Variants in SLC39A12 observed in about 807,000 individuals in gnomAD.
SLC39A12 encodes the protein zinc transporter ZIP12.
A neutral mutation model predicts 71.1 loss-of-function variants in SLC39A12; 63 were observed. The ratio of observed to expected loss-of-function variants is 0.89; its 90% CI spans 0.72 to 1.09. The LOEUF is 1.09. SLC39A12 is among the 50% of genes least tolerant of loss of function. The probability of loss-of-function intolerance (pLI) is 0.00; values close to 1 mark genes in which losing one functional copy is unlikely to be tolerated. For synonymous variants in SLC39A12, 351 were observed against 301.3 expected (o/e 1.16, Z -1.71); for missense variants, 892 against 812.6 (o/e 1.10, Z -1.19).
chr10:18,034,580 A>G (rs1433285571), intron 12 of SLC39A12, among the ~76,000 whole-genome samples: 2 of 151,056 alleles, frequency 1.3e-5, no homozygotes, highest in East Asian at 3.9e-4. Flanking sequence ...CAGCACACTG[A>G]TGGGTCTTGA....
chr10:17,977,936 A>C lies in SLC39A12; in HGVS notation c.786A>C (p.Arg262Ser), dbSNP rs1451513526. 21 of 1,610,588 alleles carry C rather than the reference A, an allele frequency of 1.3e-5. No individual in the cohort carries two copies. The highest frequency in any genetic ancestry group is 3.4e-5 in the Admixed American group (2 of 59,212). The change falls in exon 5 of 13, where the codon AGA becomes AGC. Residue 262 changes from arginine to serine, a missense_variant. Coordinates refer to ENST00000377369, the MANE Select transcript of SLC39A12 (RefSeq NM_001145195.2). ...AACTCCTCAACACTCTCTGGACCAG[A>C]AGTACTTGTATCAAAAATGAGAAAA... The part of the protein sequence containing the change: ...LDQLLNTLWT[R>S]STCIKNEKIH...
rs1475032426 is a variant in SLC39A12 at position 18,031,407 on chromosome 10, AGCATTTTTTCATGTGTT to A, written c.1948-11297_1948-11281del. On this transcript the variant is annotated intron_variant, in intron 12 of 12. Coordinates refer to ENST00000377369, the MANE Select transcript of SLC39A12 (RefSeq NM_001145195.2). ...ATTTCTCTGATGGCCAGTGATGATGAGCATTTTTTCATGTGTTTTTTGGCTGCATAAATGTCTTCTTT... is the reference window on the plus strand; with the variant it reads ...ATTTCTCTGATGGCCAGTGATGATGATTTTGGCTGCATAAATGTCTTCTTT... 5.1e-5 allele frequency among the ~76,000 whole-genome samples: 7 copies of A among 137,090 alleles called. No individual in the cohort carries two copies. In the East Asian group the frequency reaches 1.5e-3, roughly 29 times the overall value. The allele number at this position is 137,090 out of a possible 152,430, so 89.9% of individuals were successfully genotyped here.
intron 12 of SLC39A12, among the ~76,000 whole-genome samples, chr10:18,035,603 A>G (rs574582868): frequency 1.3e-5 from 2 of 152,068 alleles, no homozygotes; most frequent in Admixed American, 6.6e-5. Context: ...ATGTCCTCCC[A>G]TAGCTCAGAG....
chr10:17,952,159 A>C (rs781844615), intron 1 of SLC39A12, 134 bp downstream of exon 1: 6 of 152,196 alleles, frequency 3.9e-5, no homozygotes, highest in Non-Finnish European at 7.3e-5. Context: ...GCCCACAGTC[A>C]TTTACCAGCT....
chr10:18,033,424 T>A (rs1435555599), intron 12 of SLC39A12, among the ~76,000 whole-genome samples: 1 of 151,516 alleles, frequency 6.6e-6, no homozygotes, highest in Non-Finnish European at 1.5e-5. Flanking sequence ...CTAGATTTTC[T>A]AGTTTATTTG....
At chr10:18,036,509 A>G (rs533489053) in intron 12 of SLC39A12, among the ~76,000 whole-genome samples, 33 of 151,586 alleles carry the variant, frequency 2.2e-4, no homozygotes, top group East Asian at 9.9e-4. Flanking sequence ...GCTTCGGCTC[A>G]CGCACGGTGC....
chr10:18,028,206 C>G (rs570387144), intron 12 of SLC39A12, among the ~76,000 whole-genome samples: 2 of 152,144 alleles, frequency 1.3e-5, no homozygotes. Context: ...AAAGTACAAC[C>G]TTACCTTCAT....
rs145198122 is a variant in SLC39A12, at chr10:17,987,547, C to G, written c.1165C>G (p.Leu389Val). Residue 389 changes from leucine to valine, a missense_variant, in exon 7 of 13, where the codon CTT becomes GTT. Transcript: ENST00000377369. ...LGSMLGTALV[L>V]FHSCEENYRL... The stretch of plus-strand genomic sequence containing the variant: ...CTCCATGCTGGGGACAGCGCTGGTC[C>G]TTTTCCATAGCTGTGAGGAGAACTA... The G allele has an allele frequency of 1.9e-6, 3 of 1,613,970 alleles. No individual in the cohort carries two copies. In the African/African-American group the frequency reaches 4.0e-5, roughly 22 times the overall value.
chr10:17,966,968 C>T (rs1250870892), intron 4 of SLC39A12, among the ~76,000 whole-genome samples: 4 of 149,666 alleles, frequency 2.7e-5, no homozygotes, highest in Admixed American at 6.6e-5. Context: ...AGCGAGATTC[C>T]ATCTCAAAAA....
At chr10:18,011,321 T>C (rs1836215749) in intron 12 of SLC39A12, among the ~76,000 whole-genome samples, 1 of 152,190 alleles carries the variant, frequency 6.6e-6, no homozygotes, top group Non-Finnish European at 1.5e-5. Flanking sequence ...ACTCCTGGCC[T>C]CAAGTGATCC....
At chr10:18,040,457 C>T (rs1396893279) in intron 12 of SLC39A12, among the ~76,000 whole-genome samples, 1 of 152,064 alleles carries the variant, frequency 6.6e-6, no homozygotes, top group Non-Finnish European at 1.5e-5. Flanking sequence ...TCAGGGTGCT[C>T]CTCTCCATGT....
intron 12 of SLC39A12, among the ~76,000 whole-genome samples, chr10:18,015,316 ACT>A (rs1473181886): frequency 2.6e-5 from 4 of 152,154 alleles, no homozygotes; most frequent in Non-Finnish European, 5.9e-5. Context: ...TCATCAAAAG[ACT>A]CTAAAAAATT....
chr10:18,004,116 T>C (rs887542600), intron 12 of SLC39A12, among the ~76,000 whole-genome samples: 1 of 152,202 alleles, frequency 6.6e-6, no homozygotes, highest in African/African-American at 2.4e-5. Context: ...TAAATTCTGG[T>C]CTCCTTAAGA....
rs573740834 is a variant in SLC39A12 at position 17,981,927 on chromosome 10, T to C, written c.1096+444T>C. 4.6e-5 allele frequency among the ~76,000 whole-genome samples: 7 copies of C among 152,304 alleles called. No homozygotes were observed. The South Asian group carries it at 1.4e-3, about 32-fold the overall frequency. On this transcript the variant is annotated intron_variant, in intron 6 of 12. Coordinates refer to ENST00000377369, the MANE Select transcript of SLC39A12 (RefSeq NM_001145195.2). ...AAGAGAAGGCAATAGCATTGGAATG[T>C]GGAATGCAGAGCTGAGTCATGCTTT... is the stretch of plus-strand genomic sequence containing the variant.
intron 2 of SLC39A12, among the ~76,000 whole-genome samples, chr10:17,954,955 A>C (rs1554847609): frequency 1.3e-5 from 2 of 152,120 alleles, no homozygotes; most frequent in South Asian, 2.1e-4. Flanking sequence ...AAAATACCCA[A>C]TGGTTCCCAG....
intron 4 of SLC39A12, among the ~76,000 whole-genome samples, chr10:17,975,588 T>A (rs1236855096): frequency 6.6e-6 from 1 of 151,784 alleles, no homozygotes; most frequent in African/African-American, 2.4e-5. Flanking sequence ...ATTCCTTAAG[T>A]GGAAGTAAGG....
At chr10:18,036,794 A>ATATATATATATATATTT (rs1554855475) in intron 12 of SLC39A12, among the ~76,000 whole-genome samples, 1 of 92,898 alleles carries the variant, frequency 1.1e-5, no homozygotes, top group Non-Finnish European at 1.9e-5. Flanking sequence ...ATATATATAT[A>ATATATATATATATATTT]TTTTTTTTTT....
rs551808692 is a variant in SLC39A12 at position 17,961,972 on chromosome 10, A to G, written c.543+110A>G. On this transcript the variant is annotated intron_variant, in intron 3 of 12. Coordinates refer to ENST00000377369, the MANE Select transcript of SLC39A12 (RefSeq NM_001145195.2). ...CATTCAAGGACTTCTAAGGGAGGTA[A>G]GTATTTGTGGGTTTTGGTTATGAGA... is the stretch of plus-strand genomic sequence containing the variant. The G allele has an allele frequency of 4.4e-3, 5,094 of 1,157,084 alleles. 22 individuals are homozygous for G. Among genetic ancestry groups the G allele is most frequent in the Non-Finnish European group, 5.4e-3 (4,452 of 829,004 alleles). The allele number at this position is 1,157,084 out of a possible 1,614,324, so 71.7% of individuals were successfully genotyped here.
intron 12 of SLC39A12, among the ~76,000 whole-genome samples, chr10:18,036,530 TG>T (rs1439259308): frequency 6.6e-6 from 1 of 151,668 alleles, no homozygotes. Context: ...GCGCACCCAC[TG>T]GCCTGCGCCC....
Sources: gnomAD v4.1 joint callset for allele counts (sites outside exome capture counted in the v4.1 genomes callset) on GRCh38, gnomAD v4.1.1 for gene constraint, MANE v1.5 for transcripts, NCBI Gene and HGNC (gene_info 2026-07-23, HGNC 2026-07-21) for gene names.